DMRT1: variants seen among roughly 807,000 people sequenced by gnomAD.
DMRT1 encodes doublesex- and mab-3-related transcription factor 1.
A neutral mutation model predicts 32.3 loss-of-function variants in DMRT1; 7 were observed. That is an observed-to-expected ratio of 0.22 (90% CI 0.12 to 0.41). The LOEUF (loss-of-function observed/expected upper bound fraction) is 0.41, where lower values mean the gene tolerates loss of function less well. Ranked by LOEUF, DMRT1 falls within the 10% of genes least tolerant of loss-of-function variation. The pLI is 1.00. For synonymous variants in DMRT1, 278 were observed against 206.1 expected, an observed-to-expected ratio of 1.35 and a Z score of -2.99; for missense variants, 625 against 500.5, an observed-to-expected ratio of 1.25 and a Z score of -2.37.
intron 2 of DMRT1, among the ~76,000 whole-genome samples, chr9:870,546 C>A (rs138804154): frequency 6.6e-6 from 1 of 151,994 alleles, no homozygotes; most frequent in Non-Finnish European, 1.5e-5. Flanking sequence ...TCCTTTTAGC[C>A]ACAGCATTGT....
Position 850,753 on chromosome 9 carries a change from G to A in DMRT1, c.538+3610G>A, listed in dbSNP as rs533838841. On this transcript the variant is annotated intron_variant, in intron 2 of 4. Coordinates refer to ENST00000382276, the MANE Select transcript of DMRT1 (RefSeq NM_021951.3). ...ACTGTATAGATGTGAGGCCAGCCAG[G>A]CGCAGTGGCTCATGCCTGTAATCCC... Among the ~76,000 whole-genome samples the A allele has an allele frequency of 3.6e-4, 55 of 152,314 alleles. 1 individual carries two copies. Among genetic ancestry groups the A allele is most frequent in the Admixed American group, 3.6e-3 (55 of 15,296 alleles).
intron 4 of DMRT1, among the ~76,000 whole-genome samples, chr9:929,686 T>C (rs1468067352): frequency 6.6e-6 from 1 of 152,114 alleles, no homozygotes; most frequent in African/African-American, 2.4e-5. Context: ...ATTTATACTT[T>C]TCATGCATTT....
chr9:920,704 C>T (rs767435626), intron 4 of DMRT1, among the ~76,000 whole-genome samples: 5 of 152,140 alleles, frequency 3.3e-5, no homozygotes, highest in Non-Finnish European at 4.4e-5. Context: ...TTTTATAATA[C>T]GCTTGTATGC....
At chr9:966,420 G>C (rs72701074) in intron 4 of DMRT1, among the ~76,000 whole-genome samples, 1 of 152,052 alleles carries the variant, frequency 6.6e-6, no homozygotes, top group East Asian at 1.9e-4. Flanking sequence ...CCTTATTAAA[G>C]ACTAAACAAA....
At chr9:852,453 C>G (rs1037718677) in intron 2 of DMRT1, among the ~76,000 whole-genome samples, 2 of 146,542 alleles carry the variant, frequency 1.4e-5, no homozygotes, top group Non-Finnish European at 1.5e-5. Context: ...TCTTCTTCCT[C>G]TTTGTAAATG....
chr9:922,834 A>T (rs1280761957), intron 4 of DMRT1, among the ~76,000 whole-genome samples: 1 of 152,168 alleles, frequency 6.6e-6, no homozygotes, highest in African/African-American at 2.4e-5. Context: ...CTCATTTAAC[A>T]CACAGAGGTT....
chr9:930,976 C>T (rs116049303), intron 4 of DMRT1, among the ~76,000 whole-genome samples: 1 of 152,190 alleles, frequency 6.6e-6, no homozygotes, highest in South Asian at 2.1e-4. Context: ...AATTCCAAAA[C>T]ATTTCCATCA....
At chr9:896,832 C>G (rs994012455) in intron 3 of DMRT1, among the ~76,000 whole-genome samples, 1 of 151,866 alleles carries the variant, frequency 6.6e-6, no homozygotes, top group African/African-American at 2.4e-5. Flanking sequence ...AAAGAATTGA[C>G]TTTTCTAAGC....
intron 3 of DMRT1, among the ~76,000 whole-genome samples, chr9:911,353 C>T (rs1035511039): frequency 6.6e-6 from 1 of 152,052 alleles, no homozygotes; most frequent in South Asian, 2.1e-4. Flanking sequence ...CGTTAATTTC[C>T]CATTTTGTTT....
chr9:878,086 G>T (rs1816577609), intron 2 of DMRT1, among the ~76,000 whole-genome samples: 1 of 152,168 alleles, frequency 6.6e-6, no homozygotes, highest in Admixed American at 6.5e-5. Flanking sequence ...ACAGATAATG[G>T]CCTTCCGGGG....
At chr9:856,505 TCTTA>T (rs1815407531) in intron 2 of DMRT1, among the ~76,000 whole-genome samples, 2 of 152,236 alleles carry the variant, frequency 1.3e-5, no homozygotes, top group South Asian at 4.1e-4. Flanking sequence ...ACCTTTTGTG[TCTTA>T]CTTCTCTTAC....
rs543500051 is a variant in DMRT1 at position 843,160 on chromosome 9, TAGAA to T, written c.354+971_354+974del. ...CCTCCTTGCTGAGTTGCACTTAAAT[TAGAA>T]AGGATCTTGGAGGGCGGCAGCGCTG... On this transcript the variant is annotated intron_variant, in intron 1 of 4. Coordinates refer to ENST00000382276, the MANE Select transcript of DMRT1 (RefSeq NM_021951.3). 8.9e-4 allele frequency among the ~76,000 whole-genome samples: 136 copies of T among 152,318 alleles called. 2 individuals are homozygous for T. In the South Asian group the frequency reaches 0.011, roughly 12 times the overall value.
intron 2 of DMRT1, among the ~76,000 whole-genome samples, chr9:880,740 A>AG (rs1198861530): frequency 7.8e-4 from 117 of 150,200 alleles, no homozygotes; most frequent in African/African-American, 2.6e-3. Flanking sequence ...AAAAAAAAAA[A>AG]AAAGAAAAGA....
chr9:928,213 G>T (rs1818590823), intron 4 of DMRT1, among the ~76,000 whole-genome samples: 1 of 152,142 alleles, frequency 6.6e-6, no homozygotes, highest in South Asian at 2.1e-4. Context: ...TATTAAAAAT[G>T]AGCTCCATAA....
intron 2 of DMRT1, among the ~76,000 whole-genome samples, chr9:863,837 A>G (rs1464525254): frequency 1.3e-5 from 2 of 152,126 alleles, no homozygotes; most frequent in East Asian, 3.8e-4. Context: ...TTTAAAGGCC[A>G]TTTGTATTTT....
intron 4 of DMRT1, among the ~76,000 whole-genome samples, chr9:967,411 C>T (rs1819963439): frequency 6.6e-6 from 1 of 152,190 alleles, no homozygotes; most frequent in African/African-American, 2.4e-5. Context: ...TACAATTTTT[C>T]TCTCCCATTT....
chr9:873,158 G>A (rs1156282845), intron 2 of DMRT1, among the ~76,000 whole-genome samples: 1 of 152,218 alleles, frequency 6.6e-6, no homozygotes, highest in African/African-American at 2.4e-5. Flanking sequence ...GCAGTTTGCT[G>A]ATGGCTAATG....
At chr9:853,354 A>G (rs1444449142) in intron 2 of DMRT1, among the ~76,000 whole-genome samples, 1 of 152,204 alleles carries the variant, frequency 6.6e-6, no homozygotes, top group African/African-American at 2.4e-5. Context: ...TATAGTATTC[A>G]CAGCATTGCC....
chr9:920,015 G>A (rs1396942337), intron 4 of DMRT1, among the ~76,000 whole-genome samples: 3 of 152,282 alleles, frequency 2.0e-5, no homozygotes, highest in South Asian at 4.1e-4. Flanking sequence ...AATTATTGAG[G>A]TAAAGAAGAC....
Sources: gnomAD v4.1 joint callset for allele counts (sites outside exome capture counted in the v4.1 genomes callset) on GRCh38, gnomAD v4.1.1 for gene constraint, MANE v1.5 for transcripts, NCBI Gene and HGNC (gene_info 2026-07-23, HGNC 2026-07-21) for gene names.